The following SNX3 variants were observed in gnomAD, a reference collection of about 807,000 sequenced individuals.
SNX3 encodes sorting nexin-3.
SNX3 carries 5 observed loss-of-function variants against 17.7 expected under a neutral mutation model. The observed-to-expected ratio is 0.28, with a 90% CI of 0.15 to 0.59. The LOEUF (loss-of-function observed/expected upper bound fraction) is 0.59, where lower values mean the gene tolerates loss of function less well. Among genes scored for constraint, SNX3 ranks in the 20% least tolerant of loss-of-function variants. The pLI is 0.88. For missense variants in SNX3, 132 were observed against 206.8 expected, an observed-to-expected ratio of 0.64 and a Z score of 2.22; for synonymous variants, 91 against 76.5, an observed-to-expected ratio of 1.19 and a Z score of -0.99.
chr6:108,251,723 G>T (rs1325881417), intron 1 of SNX3, among the ~76,000 whole-genome samples: 2 of 152,064 alleles, frequency 1.3e-5, no homozygotes, highest in Non-Finnish European at 2.9e-5. Flanking sequence ...TATAGCAAAC[G>T]TCACATTTTA....
intron 1 of SNX3, among the ~76,000 whole-genome samples, chr6:108,240,594 T>C (rs1044402207): frequency 2.0e-5 from 3 of 152,316 alleles, no homozygotes; most frequent in Admixed American, 6.5e-5. Flanking sequence ...TCTACCAGGA[T>C]GTGGCAAGCT....
chr6:108,237,715 G>GGAGGC (rs1663678162), intron 1 of SNX3, among the ~76,000 whole-genome samples: 1 of 151,962 alleles, frequency 6.6e-6, no homozygotes, highest in Non-Finnish European at 1.5e-5. Flanking sequence ...CGTGAACCAG[G>GGAGGC]GAGGCGGAGA....
intron 1 of SNX3, among the ~76,000 whole-genome samples, chr6:108,256,744 G>A (rs1776044320): frequency 6.6e-6 from 1 of 152,166 alleles, no homozygotes; most frequent in South Asian, 2.1e-4. Flanking sequence ...TTATATTACA[G>A]CACAAACTTC....
intron 2 of SNX3, among the ~76,000 whole-genome samples, chr6:108,216,667 C>T (rs1250583116): frequency 6.6e-6 from 1 of 152,016 alleles, no homozygotes; most frequent in Non-Finnish European, 1.5e-5. Flanking sequence ...ACAAATTACA[C>T]ATATTCAAAA....
Position 108,225,834 on chromosome 6 carries a change from C to T in SNX3, c.163-2789G>A, listed in dbSNP as rs866139398. On this transcript the variant is annotated intron_variant, in intron 1 of 3. Transcript: ENST00000230085. ...GAGGACTGCTTGAGGCCAAGAGTTA[C>T]CAGCCTGGGAAACATAAGAAGATTC... 8.2e-4 allele frequency among the ~76,000 whole-genome samples: 124 copies of T among 151,686 alleles called. 1 individual carries two copies. The highest frequency in any genetic ancestry group is 2.9e-3 in the African/African-American group (119 of 41,362).
chr6:108,247,796 C>T (rs1285610583), intron 1 of SNX3, among the ~76,000 whole-genome samples: 1 of 151,944 alleles, frequency 6.6e-6, no homozygotes, highest in Middle Eastern at 3.2e-3. Flanking sequence ...GCCTGAACAT[C>T]GATGCTTAAA....
intron 2 of SNX3, chr6:108,222,178 C>G: frequency 1.6e-6 from 2 of 1,287,480 alleles, no homozygotes; most frequent in Non-Finnish European, 2.0e-6. Context: ...GAAATGAGTA[C>G]AGACTAGCCT....
chr6:108,250,340 C>T (rs567584681), intron 1 of SNX3, among the ~76,000 whole-genome samples: 2 of 152,288 alleles, frequency 1.3e-5, no homozygotes, highest in Non-Finnish European at 2.9e-5. Context: ...ACTGTTTCAA[C>T]TACTCAGTTC....
rs532567457 is a variant in SNX3, at chr6:108,238,620, T to C, written c.163-15575A>G. Among the ~76,000 whole-genome samples, 4 of 152,046 alleles carry C rather than the reference T, an allele frequency of 2.6e-5. No homozygotes were observed. The South Asian group carries it at 8.3e-4, about 32-fold the overall frequency. On this transcript the variant is annotated intron_variant, in intron 1 of 3. Coordinates refer to ENST00000230085, the MANE Select transcript of SNX3 (RefSeq NM_003795.6). ...ACCTCAACCGCCATAAAAAAGAAAA[T>C]TTTTTTAAAAAGTGTCCAAGTTTTC... is the stretch of plus-strand genomic sequence containing the variant.
rs114600154 is a variant in SNX3, at chr6:108,228,809, T to G, written c.163-5764A>C. Among the ~76,000 whole-genome samples, 567 of 152,094 alleles carry G rather than the reference T, an allele frequency of 3.7e-3. 2 individuals are homozygous for G. Among genetic ancestry groups the G allele is most frequent in the African/African-American group, 0.013 (539 of 41,492 alleles). On this transcript the variant is annotated intron_variant, in intron 1 of 3. Transcript: ENST00000230085. ...TTAATCCTACAAATATTTCCACACA[T>G]ACAAAAATATTTTAGCATTGTAATA...
intron 1 of SNX3, among the ~76,000 whole-genome samples, chr6:108,234,219 A>C (rs867807852): frequency 1.1e-4 from 17 of 148,260 alleles, no homozygotes; most frequent in Admixed American, 4.1e-4. Context: ...ATCAAGGCAA[A>C]ATTAAAATAT....
In SNX3 at chr6:108,211,392, C is replaced by G. The variant is rs952764594; in HGVS notation, c.*757G>C. ...GATGGAAGTATATTTGATATCACCA[C>G]TGTTTAAAGGGAATGGAGTTACAGG... On this transcript the variant is annotated 3_prime_UTR_variant, in exon 4 of 4. Transcript: ENST00000230085. The G allele has an allele frequency of 1.3e-5, 2 of 152,102 alleles. No homozygotes were observed. The highest frequency in any genetic ancestry group is 4.8e-5 in the African/African-American group (2 of 41,412). The allele number at this position is 152,102 out of a possible 1,614,324, so 9.4% of individuals were successfully genotyped here. A position where few individuals can be genotyped will look rare whatever the true frequency, so the allele number is the denominator to read the frequency against.
At chr6:108,247,546 A>C (rs1400179657) in intron 1 of SNX3, among the ~76,000 whole-genome samples, 1 of 151,662 alleles carries the variant, frequency 6.6e-6, no homozygotes, top group Non-Finnish European at 1.5e-5. Context: ...TAAAAAACAA[A>C]AAACAAACAA....
At chr6:108,245,363 G>A (rs757243649) in intron 1 of SNX3, among the ~76,000 whole-genome samples, 7 of 152,166 alleles carry the variant, frequency 4.6e-5, no homozygotes, top group Non-Finnish European at 8.8e-5. Context: ...ATCATTGATA[G>A]GCATTTGGGT....
chr6:108,235,553 G>T (rs1274890735), intron 1 of SNX3, among the ~76,000 whole-genome samples: 2 of 152,196 alleles, frequency 1.3e-5, no homozygotes, highest in East Asian at 3.8e-4. Context: ...ACAAGATGCA[G>T]ATCATGAGAA....
intron 2 of SNX3, among the ~76,000 whole-genome samples, chr6:108,221,051 T>C (rs1209620417): frequency 6.6e-6 from 1 of 152,182 alleles, no homozygotes; most frequent in Non-Finnish European, 1.5e-5. Context: ...TTGGTTATTC[T>C]TGAGCTTTTT....
chr6:108,255,848 A>G (rs1457215974), intron 1 of SNX3, among the ~76,000 whole-genome samples: 3 of 152,234 alleles, frequency 2.0e-5, no homozygotes, highest in Admixed American at 6.5e-5. Flanking sequence ...TGTCAAGATA[A>G]GATGCTACAT....
At chr6:108,218,072 AT>A (rs961467144) in intron 2 of SNX3, among the ~76,000 whole-genome samples, 8 of 152,224 alleles carry the variant, frequency 5.3e-5, no homozygotes, top group African/African-American at 1.9e-4. Context: ...AATGTGAAGT[AT>A]TGTGCTTCAA....
chr6:108,245,895 G>A (rs1775673933), intron 1 of SNX3, among the ~76,000 whole-genome samples: 1 of 152,148 alleles, frequency 6.6e-6, no homozygotes, highest in Admixed American at 6.5e-5. Context: ...TCTGTAGGTT[G>A]CCTGTTCACT....
Sources: allele counts gnomAD v4.1 joint callset (sites outside exome capture counted in the v4.1 genomes callset), GRCh38; gene constraint gnomAD v4.1.1; transcripts MANE v1.5; gene names NCBI Gene and HGNC (gene_info 2026-07-23, HGNC 2026-07-21).